Variants in KIAA1217 observed in about 807,000 individuals in gnomAD.
KIAA1217 encodes the protein sickle tail protein homolog.
KIAA1217 carries 88 observed loss-of-function variants against 163.9 expected under a neutral mutation model. The ratio of observed to expected loss-of-function variants is 0.54; its 90% CI spans 0.45 to 0.64. KIAA1217 has a LOEUF of 0.64. Ranked by LOEUF, KIAA1217 falls within the 30% of genes least tolerant of loss-of-function variation. KIAA1217 has a pLI of 0.00. For missense variants in KIAA1217, 2,372 were observed against 2,475.0 expected, an observed-to-expected ratio of 0.96 and a Z score of 0.88; for synonymous variants, 903 against 923.1, an observed-to-expected ratio of 0.98 and a Z score of 0.39.
At chr10:24,419,888 T>C (rs2058593297) in intron 3 of KIAA1217, among the ~76,000 whole-genome samples, 1 of 152,102 alleles carries the variant, frequency 6.6e-6, no homozygotes, top group South Asian at 2.1e-4. Flanking sequence ...TAAGTTTCGG[T>C]GTTCACTCAG....
chr10:24,543,053 A>G lies in KIAA1217; in HGVS notation c.3783A>G (p.Glu1261=). 1 of 1,614,064 alleles carries G rather than the reference A, an allele frequency of 6.2e-7. No individual in the cohort carries two copies. The highest frequency in any genetic ancestry group is 8.5e-7 in the Non-Finnish European group (1 of 1,179,986). ...LLRDSRNYSQ[E]TVPKASFGFS... is the part of the protein sequence containing the mutation. ...GAGACAGTAGAAACTATTCCCAGGA[A>G]ACTGTGCCTAAGGCCAGTTTCGGTT... is the stretch of plus-strand genomic sequence containing the variant. The change falls in exon 19 of 21, where the codon GAA becomes GAG. Residue 1261 remains glutamate, a synonymous_variant. Coordinates refer to ENST00000376454, the MANE Select transcript of KIAA1217 (RefSeq NM_019590.5).
intron 1 of KIAA1217, among the ~76,000 whole-genome samples, chr10:24,005,529 C>A (rs61849230): frequency 0.21 from 32,103 of 152,100 alleles, 4,074 homozygotes; most frequent in Non-Finnish European, 0.27. Context: ...TGAAGTCACA[C>A]TGACCTGGGT....
At chr10:24,105,948 G>T (rs1459447359) in intron 2 of KIAA1217, among the ~76,000 whole-genome samples, 2 of 152,184 alleles carry the variant, frequency 1.3e-5, no homozygotes, top group Non-Finnish European at 2.9e-5. Flanking sequence ...CCTTCCCAGG[G>T]CGTGGGGAGT....
chr10:24,366,677 G>A (rs1257960208), intron 2 of KIAA1217, among the ~76,000 whole-genome samples: 2 of 152,162 alleles, frequency 1.3e-5, no homozygotes, highest in Non-Finnish European at 2.9e-5. Context: ...GCACTCACAG[G>A]CCTGCTTTCG....
chr10:24,421,236 C>A (rs2058712228), intron 3 of KIAA1217, among the ~76,000 whole-genome samples: 1 of 152,180 alleles, frequency 6.6e-6, no homozygotes, highest in Non-Finnish European at 1.5e-5. Flanking sequence ...AAGCTACGGA[C>A]CTCAGGTGAT....
intron 1 of KIAA1217, among the ~76,000 whole-genome samples, chr10:23,949,760 G>A (rs535751476): frequency 6.6e-6 from 1 of 152,236 alleles, no homozygotes; most frequent in East Asian, 1.9e-4. Context: ...TATATAAAAA[G>A]TGAGAAATAT....
intron 1 of KIAA1217, among the ~76,000 whole-genome samples, chr10:23,998,684 G>A (rs1846610705): frequency 6.6e-6 from 1 of 152,200 alleles, no homozygotes; most frequent in Non-Finnish European, 1.5e-5. Flanking sequence ...AACAACAGGG[G>A]AGAATTAGTT....
intron 13 of KIAA1217, among the ~76,000 whole-genome samples, chr10:24,526,462 T>C (rs2072202269): frequency 6.6e-6 from 1 of 152,242 alleles, no homozygotes; most frequent in Non-Finnish European, 1.5e-5. Flanking sequence ...CTTGCCACTT[T>C]AAACATCTCA....
rs1178938164 is a variant in KIAA1217 at position 23,790,474 on chromosome 10, C to T, written c.-321+95240C>T. On this transcript the variant is annotated intron_variant, in intron 1 of 18. Coordinates refer to the KIAA1217 transcript ENST00000376462. ...ATACATGTGCATATATACATATATA[C>T]ATGTGCATATATACATATATACATG... Among the ~76,000 whole-genome samples, 5 of 105,214 alleles carry T rather than the reference C, an allele frequency of 4.8e-5. 1 individual carries two copies. Among genetic ancestry groups the T allele is most frequent in the African/African-American group, 1.8e-4 (4 of 21,640 alleles). 69.0% of individuals were successfully genotyped at this position (105,214 alleles called of 152,430 possible). A position where few individuals can be genotyped will look rare whatever the true frequency, so the allele number is the denominator to read the frequency against.
chr10:24,178,386 G>T (rs1435903684), intron 2 of KIAA1217, among the ~76,000 whole-genome samples: 2 of 152,226 alleles, frequency 1.3e-5, no homozygotes, highest in Non-Finnish European at 2.9e-5. Flanking sequence ...ATCTGCAGTT[G>T]AGTTGGGATA....
chr10:24,115,832 C>A (rs2063030918), intron 2 of KIAA1217, among the ~76,000 whole-genome samples: 1 of 152,188 alleles, frequency 6.6e-6, no homozygotes, highest in South Asian at 2.1e-4. Flanking sequence ...AAAACCGGAA[C>A]AACCCAGGGA....
chr10:24,435,104 G>T (rs1181209510), intron 4 of KIAA1217, among the ~76,000 whole-genome samples: 2 of 152,146 alleles, frequency 1.3e-5, no homozygotes, highest in Non-Finnish European at 2.9e-5. Context: ...AAACTGATCT[G>T]TATCTACCAA....
At position 24,543,718 on chromosome 10, in the gene KIAA1217, AG is replaced by A; in HGVS notation, c.4450del (p.Glu1484LysfsTer9). 1 of 1,613,886 alleles carries A rather than the reference AG, an allele frequency of 6.2e-7. No homozygotes were observed. Among genetic ancestry groups the A allele is most frequent in the South Asian group, 1.1e-5 (1 of 91,040 alleles). Reference sequence around the variant, plus strand: ...ATGATGGAGGAAAAGATAGAGGAGGAGGAAGAGGAGGAAAATGGGGATTCTG... The same window carrying A: ...ATGATGGAGGAAAAGATAGAGGAGGAGAAGAGGAGGAAAATGGGGATTCTG... The part of the protein sequence containing the change: ...RMMMEEKIEE[E>X]EEEENGDSVV... On this transcript the variant is annotated frameshift_variant, in exon 19 of 21. Transcript: ENST00000376454. LOFTEE classifies it high-confidence loss of function.
intron 2 of KIAA1217, among the ~76,000 whole-genome samples, chr10:24,310,342 G>A (rs138760284): frequency 6.7e-4 from 102 of 152,302 alleles, no homozygotes; most frequent in African/African-American, 2.3e-3. Flanking sequence ...TGCAGAGAAG[G>A]AAACCGAAGC....
intron 1 of KIAA1217, among the ~76,000 whole-genome samples, chr10:23,748,049 C>T (rs927013359): frequency 1.3e-5 from 2 of 152,194 alleles, no homozygotes; most frequent in Non-Finnish European, 2.9e-5. Flanking sequence ...CCAGTTCCTC[C>T]AGACTGCACA....
Position 24,304,221 on chromosome 10 carries a change from T to C in KIAA1217, c.355-76648T>C, listed in dbSNP as rs937726426. On this transcript the variant is annotated intron_variant, in intron 2 of 20. Coordinates refer to ENST00000376454, the MANE Select transcript of KIAA1217 (RefSeq NM_019590.5). ...TTAGGTTACCTTTTTTTTTTTTTTT[T>C]TGCCTGACCATAGTACTTAAGAAAA... Among the ~76,000 whole-genome samples, 19 of 151,648 alleles carry C rather than the reference T, an allele frequency of 1.3e-4. 1 individual carries two copies. The highest frequency in any genetic ancestry group is 1.1e-3 in the Admixed American group (16 of 15,218).
At chr10:23,911,951 T>C (rs983206171) in intron 1 of KIAA1217, among the ~76,000 whole-genome samples, 7 of 152,136 alleles carry the variant, frequency 4.6e-5, no homozygotes, top group African/African-American at 1.7e-4. Context: ...AATCATACCC[T>C]CCACTACAGG....
intron 1 of KIAA1217, among the ~76,000 whole-genome samples, chr10:23,707,133 C>T (rs910287862): frequency 1.1e-4 from 17 of 152,054 alleles, no homozygotes; most frequent in African/African-American, 4.1e-4. Flanking sequence ...GGTAGGAAGA[C>T]ACAATAGAAT....
At chr10:23,814,919 C>T (rs918766264) in intron 1 of KIAA1217, among the ~76,000 whole-genome samples, 2 of 151,972 alleles carry the variant, frequency 1.3e-5, no homozygotes, top group Non-Finnish European at 2.9e-5. Flanking sequence ...TTGAAGGCTG[C>T]AAAAAGGTAT....
Sources: gnomAD v4.1 joint callset for allele counts (sites outside exome capture counted in the v4.1 genomes callset) on GRCh38, gnomAD v4.1.1 for gene constraint, MANE v1.5 for transcripts, NCBI Gene and HGNC (gene_info 2026-07-23, HGNC 2026-07-21) for gene names.